TNFRSF11A: variants seen among roughly 807,000 people sequenced by gnomAD.
TNFRSF11A encodes tumor necrosis factor receptor superfamily member 11A.
A neutral mutation model predicts 55.7 loss-of-function variants in TNFRSF11A; 32 were observed. That is an observed-to-expected ratio of 0.57 (90% CI 0.43 to 0.77). The LOEUF is 0.77. TNFRSF11A is among the 30% of genes least tolerant of loss of function. The probability of loss-of-function intolerance (pLI) is 0.00; values close to 1 mark genes in which losing one functional copy is unlikely to be tolerated. For synonymous variants in TNFRSF11A, 311 were observed against 331.0 expected, an observed-to-expected ratio of 0.94 and a Z score of 0.65; for missense variants, 753 against 809.8, an observed-to-expected ratio of 0.93 and a Z score of 0.85.
rs1037445292 is a variant in TNFRSF11A, at chr18:62,389,436, C to A, written c.*4402C>A. 2 of 152,388 alleles carry A rather than the reference C, an allele frequency of 1.3e-5. No individual in the cohort carries two copies. The highest frequency in any genetic ancestry group is 2.1e-4 in the South Asian group (1 of 4,832). The allele number at this position is 152,388 out of a possible 1,614,324, so 9.4% of individuals were successfully genotyped here. ...CAGGGGGAGCCGCCCTGGACCAACA[C>A]CCCCATGGCTGCCCCACTGCGGAAC... On this transcript the variant is annotated 3_prime_UTR_variant, in exon 10 of 10. Coordinates refer to ENST00000586569, the MANE Select transcript of TNFRSF11A (RefSeq NM_003839.4).
intron 9 of TNFRSF11A, among the ~76,000 whole-genome samples, chr18:62,377,820 T>C (rs1377385080): frequency 6.6e-6 from 1 of 152,238 alleles, no homozygotes; most frequent in Non-Finnish European, 1.5e-5. Flanking sequence ...TTTGCAGATA[T>C]TTTCTTCCAG....
At chr18:62,380,215 G>A (rs1008903703) in intron 9 of TNFRSF11A, among the ~76,000 whole-genome samples, 17 of 152,170 alleles carry the variant, frequency 1.1e-4, no homozygotes, top group African/African-American at 3.4e-4. Context: ...GAATTGCCAC[G>A]TATTGTGTGA....
intron 4 of TNFRSF11A, among the ~76,000 whole-genome samples, chr18:62,356,764 G>A (rs1909289299): frequency 6.6e-6 from 1 of 152,188 alleles, no homozygotes. Context: ...CAGAGGTTTG[G>A]CAGCATAGCA....
Position 62,385,612 on chromosome 18 carries a change from A to C in TNFRSF11A, c.*578A>C, listed in dbSNP as rs1350987266. ...GTGATCCTCCCACCTCAACCTTCGGAGTAGCTGGGATCACAGCTGCAGGCC... is the reference window on the plus strand; with the variant it reads ...GTGATCCTCCCACCTCAACCTTCGGCGTAGCTGGGATCACAGCTGCAGGCC... On this transcript the variant is annotated 3_prime_UTR_variant, in exon 10 of 10. Transcript: ENST00000586569. 1 of 151,726 alleles carries C rather than the reference A, an allele frequency of 6.6e-6. No individual in the cohort carries two copies. The highest frequency in any genetic ancestry group is 1.5e-5 in the Non-Finnish European group (1 of 68,076). The allele number at this position is 151,726 out of a possible 1,614,324, so 9.4% of individuals were successfully genotyped here.
At chr18:62,332,405 C>G (rs146979350) in intron 1 of TNFRSF11A, among the ~76,000 whole-genome samples, 6 of 152,208 alleles carry the variant, frequency 3.9e-5, no homozygotes, top group African/African-American at 1.4e-4. Context: ...GTCAGATATA[C>G]AAGCAGGATC....
intron 9 of TNFRSF11A, among the ~76,000 whole-genome samples, chr18:62,384,497 C>T (rs959925281): frequency 6.1e-5 from 9 of 147,936 alleles, no homozygotes; most frequent in Non-Finnish European, 1.2e-4. Flanking sequence ...CCCTCCTCCA[C>T]TCCTTTTCCT....
intron 9 of TNFRSF11A, among the ~76,000 whole-genome samples, chr18:62,370,841 T>C (rs947524928): frequency 6.6e-6 from 1 of 152,004 alleles, no homozygotes; most frequent in African/African-American, 2.4e-5. Flanking sequence ...TTTTCTTTTT[T>C]TTTTTTGAGA....
chr18:62,342,641 T>C (rs982699547), intron 1 of TNFRSF11A, among the ~76,000 whole-genome samples: 14 of 151,866 alleles, frequency 9.2e-5, no homozygotes, highest in African/African-American at 3.1e-4. Flanking sequence ...AAAATAGAGA[T>C]AAATTTAGCT....
intron 8 of TNFRSF11A, among the ~76,000 whole-genome samples, chr18:62,368,300 A>T (rs1189109800): frequency 6.6e-6 from 1 of 152,190 alleles, no homozygotes; most frequent in East Asian, 1.9e-4. Context: ...CATAGAACGT[A>T]GTTTCAGAAT....
chr18:62,380,952 G>A (rs1051611868), intron 9 of TNFRSF11A, among the ~76,000 whole-genome samples: 4 of 151,988 alleles, frequency 2.6e-5, no homozygotes, highest in Non-Finnish European at 4.4e-5. Context: ...ACAAGCGTGT[G>A]CCACCACACC....
intron 4 of TNFRSF11A, chr18:62,357,947 TGACCA>T: frequency 2.6e-6 from 1 of 380,332 alleles, no homozygotes; most frequent in Non-Finnish European, 5.0e-6. Context: ...CAAAGGGTCA[TGACCA>T]GAGCTAGCCT....
chr18:62,353,710 T>A (rs986202913), intron 3 of TNFRSF11A, among the ~76,000 whole-genome samples: 1 of 139,818 alleles, frequency 7.2e-6, no homozygotes, highest in Non-Finnish European at 1.7e-5. Flanking sequence ...TTATAACAGA[T>A]ACGTGTGTGT....
At chr18:62,372,266 C>T (rs1275758201) in intron 9 of TNFRSF11A, among the ~76,000 whole-genome samples, 1 of 152,188 alleles carries the variant, frequency 6.6e-6, no homozygotes, top group Non-Finnish European at 1.5e-5. Flanking sequence ...GAAGTTACGC[C>T]TAATCCTGAT....
intron 9 of TNFRSF11A, among the ~76,000 whole-genome samples, chr18:62,375,007 C>G (rs1489841148): frequency 6.6e-6 from 1 of 151,830 alleles, no homozygotes; most frequent in Admixed American, 6.6e-5. Flanking sequence ...CAGGCTCAAT[C>G]CATCCTCCCA....
chr18:62,374,589 G>A (rs545756301), intron 9 of TNFRSF11A, among the ~76,000 whole-genome samples: 1 of 152,296 alleles, frequency 6.6e-6, no homozygotes, highest in African/African-American at 2.4e-5. Flanking sequence ...TAATATTCAT[G>A]TGTTAGGCAT....
chr18:62,328,423 A>G (rs188494181), intron 1 of TNFRSF11A, among the ~76,000 whole-genome samples: 266 of 151,446 alleles, frequency 1.8e-3, no homozygotes, highest in African/African-American at 6.2e-3. Context: ...GAAAGAAAGA[A>G]AAAAAAAAAC....
At chr18:62,354,672 G>A (rs912977102) in intron 4 of TNFRSF11A, 138 bp downstream of exon 4, 3 of 1,319,232 alleles carry the variant, frequency 2.3e-6, no homozygotes, top group African/African-American at 1.4e-5. Flanking sequence ...GGGAAAGGTG[G>A]GGGCTGATTT....
chr18:62,366,245 C>T (rs550329454), intron 7 of TNFRSF11A, among the ~76,000 whole-genome samples: 3 of 152,292 alleles, frequency 2.0e-5, no homozygotes, highest in South Asian at 2.1e-4. Flanking sequence ...TAATACTGAG[C>T]CTGATAGAGA....
In TNFRSF11A at chr18:62,348,604, G is replaced by T. The variant is rs886681449; in HGVS notation, c.157+355G>T. On this transcript the variant is annotated intron_variant, in intron 2 of 9. Transcript: ENST00000586569. Reference sequence around the variant, plus strand: ...TGAAATGCAGCTCTTACTTAAAATTGTTTTCACAGAAATTTTATTTTGGAA... The same window carrying T: ...TGAAATGCAGCTCTTACTTAAAATTTTTTTCACAGAAATTTTATTTTGGAA... 1.3e-4 allele frequency among the ~76,000 whole-genome samples: 20 copies of T among 152,260 alleles called. 2 individuals carry two copies. Among genetic ancestry groups the T allele is most frequent in the African/African-American group, 4.8e-4 (20 of 41,554 alleles).
Sources: gnomAD v4.1 joint callset for allele counts (sites outside exome capture counted in the v4.1 genomes callset) on GRCh38, gnomAD v4.1.1 for gene constraint, MANE v1.5 for transcripts, NCBI Gene and HGNC (gene_info 2026-07-23, HGNC 2026-07-21) for gene names.